Variants in CUX2 observed in about 807,000 individuals in gnomAD.
The protein encoded by CUX2 is cut like homeobox 2, also known as homeobox protein cut-like 2.
Under a neutral mutation model 144.8 loss-of-function variants are expected in CUX2, and 40 were observed. The observed-to-expected ratio is 0.28, with a 90% CI of 0.21 to 0.36. The LOEUF (loss-of-function observed/expected upper bound fraction) is 0.36. Among genes scored for constraint, CUX2 ranks in the 10% least tolerant of loss-of-function variants. The pLI, the probability that CUX2 is intolerant of heterozygous loss-of-function variation, is 1.00. For missense variants in CUX2, 1,615 were observed against 1,994.0 expected (o/e 0.81, Z 3.62); for synonymous variants, 827 against 875.6 (o/e 0.94, Z 0.98).
At position 111,328,890 on chromosome 12, in the gene CUX2, CTCCAT is replaced by C. The variant is rs1281341383; in HGVS notation, c.2927-5549_2927-5545del. Among the ~76,000 whole-genome samples, 895 of 150,274 alleles carry C rather than the reference CTCCAT, an allele frequency of 6.0e-3. 13 individuals are homozygous for C. Among genetic ancestry groups the C allele is most frequent in the African/African-American group, 0.021 (844 of 40,716 alleles). On this transcript the variant is annotated intron_variant, in intron 18 of 21. Coordinates refer to ENST00000261726, the MANE Select transcript of CUX2 (RefSeq NM_015267.4). ...GGCATGAGCTACTGCACCCAGTCAC[CTCCAT>C]TGTCTTCTTTCTGTTTTTCTCACTC...
Position 111,214,318 on chromosome 12 carries a change from A to C in CUX2, c.174+8A>C. The C allele has an allele frequency of 6.7e-7, 1 of 1,499,198 alleles. No homozygotes were observed. Among genetic ancestry groups the C allele is most frequent in the Non-Finnish European group, 9.2e-7 (1 of 1,087,004 alleles). 92.9% of individuals were successfully genotyped at this position (1,499,198 alleles called of 1,614,324 possible). On this transcript the variant is annotated splice_region_variant and intron_variant, in intron 2 of 21. Coordinates refer to ENST00000261726, the MANE Select transcript of CUX2 (RefSeq NM_015267.4). ...AAGAAAAATGTACCTGAGGTATGGT[A>C]TATTTGCCGTTATAGAATTAACTCA...
At chr12:111,292,705 GA>G in intron 5 of CUX2, among the ~76,000 whole-genome samples, 1 of 152,376 alleles carries the variant, frequency 6.6e-6, no homozygotes. Flanking sequence ...GGTAGAGACA[GA>G]AAGGAGATTG....
chr12:111,242,324 G>T (rs1228616203), intron 3 of CUX2, among the ~76,000 whole-genome samples: 1 of 152,226 alleles, frequency 6.6e-6, no homozygotes, highest in Non-Finnish European at 1.5e-5. Flanking sequence ...CCAGAGGTTG[G>T]CAAATTATAG....
chr12:111,219,212 T>C (rs1881712804), intron 3 of CUX2, among the ~76,000 whole-genome samples: 1 of 152,214 alleles, frequency 6.6e-6, no homozygotes, highest in Admixed American at 6.5e-5. Context: ...GATTTCCATA[T>C]TTTTCATCCT....
At chr12:111,051,474 G>C (rs1024865841) in intron 1 of CUX2, among the ~76,000 whole-genome samples, 7 of 151,264 alleles carry the variant, frequency 4.6e-5, no homozygotes, top group African/African-American at 1.5e-4. Context: ...ATTTAGCAAA[G>C]GTCCTTCTTT....
intron 1 of CUX2, among the ~76,000 whole-genome samples, chr12:111,113,018 G>T (rs367951393): frequency 2.0e-5 from 3 of 152,184 alleles, no homozygotes; most frequent in African/African-American, 4.8e-5. Flanking sequence ...TATTTGATTT[G>T]AGCCATATTT....
chr12:111,169,421 G>A (rs143499682), intron 1 of CUX2, among the ~76,000 whole-genome samples: 6 of 152,268 alleles, frequency 3.9e-5, no homozygotes, highest in Middle Eastern at 3.4e-3. Flanking sequence ...TCATCACAGC[G>A]TCCGTAGGAA....
chr12:111,193,606 G>A (rs532627451), intron 1 of CUX2, among the ~76,000 whole-genome samples: 32 of 152,224 alleles, frequency 2.1e-4, no homozygotes, highest in Non-Finnish European at 3.8e-4. Flanking sequence ...GGATAAAGAC[G>A]GATGGAAATG....
intron 1 of CUX2, among the ~76,000 whole-genome samples, chr12:111,065,292 C>T (rs765652139): frequency 8.5e-5 from 13 of 152,320 alleles, no homozygotes; most frequent in Middle Eastern, 6.8e-3. Context: ...GACCCAGGGC[C>T]GATGGGATTT....
chr12:111,267,144 G>A (rs1236457126), intron 4 of CUX2, among the ~76,000 whole-genome samples: 1 of 145,334 alleles, frequency 6.9e-6, no homozygotes, highest in Non-Finnish European at 1.5e-5. Context: ...GTTGCAGTGA[G>A]CTAAGATTGT....
intron 1 of CUX2, among the ~76,000 whole-genome samples, chr12:111,118,552 C>A (rs1361568654): frequency 6.6e-6 from 1 of 152,154 alleles, no homozygotes. Context: ...AAGCCCCCTG[C>A]CTCCACCATC....
chr12:111,341,503 G>T (rs1888573065), intron 20 of CUX2, among the ~76,000 whole-genome samples: 1 of 152,162 alleles, frequency 6.6e-6, no homozygotes, highest in African/African-American at 2.4e-5. Context: ...TGTTTCAAGT[G>T]CTTCCTATGC....
intron 3 of CUX2, among the ~76,000 whole-genome samples, chr12:111,221,525 A>G (rs1005861708): frequency 1.3e-5 from 2 of 152,180 alleles, no homozygotes; most frequent in Admixed American, 1.3e-4. Context: ...TCCCTGGAGC[A>G]AATACCATCC....
rs1458285584 is a variant in CUX2 at position 111,059,563 on chromosome 12, C to T, written c.63+25323C>T. 1.3e-5 allele frequency among the ~76,000 whole-genome samples: 2 copies of T among 152,090 alleles called. No homozygotes were observed. Among genetic ancestry groups the T allele is most frequent in the South Asian group, 2.1e-4 (1 of 4,812 alleles). ...CGTGACTCTTCTGACTTTCCTAGGTCCCCCCACCCAGGGTCAGCTTTCTGT... is the reference window on the plus strand; with the variant it reads ...CGTGACTCTTCTGACTTTCCTAGGTTCCCCCACCCAGGGTCAGCTTTCTGT... On this transcript the variant is annotated intron_variant, in intron 1 of 21. Transcript: ENST00000261726. The surrounding 1 kb of genome is among the most constrained non-coding windows in gnomAD (Gnocchi z 5.3).
intron 1 of CUX2, among the ~76,000 whole-genome samples, chr12:111,069,520 CTGTG>C (rs150243402): frequency 0.028 from 3,922 of 139,718 alleles, 83 homozygotes; most frequent in South Asian, 0.072. Flanking sequence ...AAGCCTTGCT[CTGTG>C]TGTGTGTGTG....
At chr12:111,179,793 C>G (rs1879063247) in intron 1 of CUX2, among the ~76,000 whole-genome samples, 2 of 152,078 alleles carry the variant, frequency 1.3e-5, no homozygotes. Context: ...TCTCCTGCCT[C>G]AGCCTCCCGA....
At chr12:111,275,635 T>C (rs1236693839) in intron 4 of CUX2, among the ~76,000 whole-genome samples, 1 of 152,148 alleles carries the variant, frequency 6.6e-6, no homozygotes, top group African/African-American at 2.4e-5. Context: ...GGCATGATTT[T>C]AGAGGTCGGG....
chr12:111,197,389 T>TGTTA (rs1193614325), intron 1 of CUX2, among the ~76,000 whole-genome samples: 1 of 152,178 alleles, frequency 6.6e-6, no homozygotes, highest in African/African-American at 2.4e-5. Context: ...AAAGCTGGGA[T>TGTTA]GTTAGACTGT....
At chr12:111,121,836 G>A (rs1026277043) in intron 1 of CUX2, among the ~76,000 whole-genome samples, 1 of 151,870 alleles carries the variant, frequency 6.6e-6, no homozygotes, top group African/African-American at 2.4e-5. Context: ...GAATGCAGGG[G>A]CATTTGGGGT....
Sources: gnomAD v4.1 joint callset for allele counts (sites outside exome capture counted in the v4.1 genomes callset) on GRCh38, gnomAD v4.1.1 for gene constraint, Gnocchi (gnomAD v3.1) non-coding constraint, MANE v1.5 for transcripts, NCBI Gene and HGNC (gene_info 2026-07-23, HGNC 2026-07-21) for gene names.